The following ZNF567 variants were observed in gnomAD, a reference collection of about 807,000 sequenced individuals.
ZNF567 encodes the protein zinc finger protein 567.
A neutral mutation model predicts 53.9 loss-of-function variants in ZNF567; 36 were observed. That is an observed-to-expected ratio of 0.67 (90% CI 0.51 to 0.88). The LOEUF is 0.88. ZNF567 is among the 40% of genes least tolerant of loss of function. The probability of loss-of-function intolerance (pLI) is 0.00; values close to 1 mark genes in which losing one functional copy is unlikely to be tolerated. For synonymous variants in ZNF567, 224 were observed against 260.4 expected (o/e 0.86, Z 1.35); for missense variants, 619 against 764.7 (o/e 0.81, Z 2.25).
intron 5 of ZNF567, 128 bp downstream of exon 5, chr19:36,712,995 T>C: frequency 1.4e-6 from 1 of 714,456 alleles, no homozygotes; most frequent in Non-Finnish European, 2.2e-6. Context: ...CTGAAAACCT[T>C]CATGCCTATA....
Position 36,712,846 on chromosome 19 carries a change from T to C in ZNF567, c.202T>C (p.Phe68Leu). Residue 68 changes from phenylalanine (F) to leucine (L), a missense_variant, in exon 5 of 6, where the codon TTT (phenylalanine) becomes CTT (leucine). Phe to Leu is a conservative substitution (Grantham distance 22). Transcript: ENST00000682579. ...LERGEEPWTS[F>L]AGHTCLEENW... The stretch of plus-strand genomic sequence containing the variant: ...ACGAGGAGAAGAGCCATGGACATCA[T>C]TTGCAGGTCATACCTGCTTGGGTGA... 1 of 1,614,164 alleles carries C rather than the reference T, an allele frequency of 6.2e-7. No individual in the cohort carries two copies. The highest frequency in any genetic ancestry group is 8.5e-7 in the Non-Finnish European group (1 of 1,179,998).
chr19:36,699,795 T>G (rs1026454369), intron 3 of ZNF567, among the ~76,000 whole-genome samples: 5 of 151,236 alleles, frequency 3.3e-5, no homozygotes, highest in Non-Finnish European at 5.9e-5. Context: ...TTTCCTGAAG[T>G]TGCTTATCAG....
rs762873548 is a variant in ZNF567, at chr19:36,719,472, GA to G, written c.756del (p.Lys252AsnfsTer17). 4.3e-6 allele frequency: 7 copies of G among 1,609,228 alleles called. No individual in the cohort carries two copies. Among genetic ancestry groups the G allele is most frequent in the Non-Finnish European group, 5.9e-6 (7 of 1,178,802 alleles). On this transcript the variant is annotated frameshift_variant, in exon 6 of 6. Coordinates refer to ENST00000682579, the MANE Select transcript of ZNF567 (RefSeq NM_001322917.1). LOFTEE classifies it high-confidence loss of function. ...YNKKRRATNI[E>X]KKHTCNECGK... ...TAAAAAAAGAAGAGCAACCAATATT[GA>G]AAAAAAACATACATGCAATGAATGT... is the stretch of plus-strand genomic sequence containing the variant.
At chr19:36,696,231 T>C (rs1016491421) in intron 3 of ZNF567, among the ~76,000 whole-genome samples, 1 of 152,238 alleles carries the variant, frequency 6.6e-6, no homozygotes, top group African/African-American at 2.4e-5. Flanking sequence ...CTACTCTTTC[T>C]TGTTTCAGTC....
At chr19:36,692,182 T>C (rs2038652906) in intron 2 of ZNF567, among the ~76,000 whole-genome samples, 1 of 152,186 alleles carries the variant, frequency 6.6e-6, no homozygotes, top group African/African-American at 2.4e-5. Context: ...AGGAGTGGTA[T>C]TGATGGGTCG....
the ZNF567 span, among the ~76,000 whole-genome samples, chr19:36,680,001 T>C: frequency 3.3e-5 from 5 of 152,282 alleles, no homozygotes; most frequent in Admixed American, 6.5e-5. Context: ...CACAAAGAAA[T>C]GGTAAATATT....
At chr19:36,693,725 T>C (rs867448153) in intron 2 of ZNF567, among the ~76,000 whole-genome samples, 2 of 152,124 alleles carry the variant, frequency 1.3e-5, no homozygotes, top group African/African-American at 2.4e-5. Context: ...TGGAAATAAA[T>C]ATAAAGCCCA....
chr19:36,715,017 T>C (rs1184482464), intron 5 of ZNF567, among the ~76,000 whole-genome samples: 1 of 152,152 alleles, frequency 6.6e-6, no homozygotes, highest in Non-Finnish European at 1.5e-5. Flanking sequence ...GGCACTGACG[T>C]CAACATACAA....
intron 5 of ZNF567, among the ~76,000 whole-genome samples, chr19:36,717,762 T>C (rs1239326474): frequency 6.6e-6 from 1 of 152,166 alleles, no homozygotes; most frequent in African/African-American, 2.4e-5. Flanking sequence ...GTTACTCTGA[T>C]TTAGGACCAG....
the ZNF567 span, among the ~76,000 whole-genome samples, chr19:36,672,691 T>C: frequency 6.6e-6 from 1 of 152,204 alleles, no homozygotes; most frequent in Non-Finnish European, 1.5e-5. Context: ...ATTGGATTGC[T>C]TCCATCATGG....
chr19:36,722,327 A>G (rs894790395), downstream of ZNF567, among the ~76,000 whole-genome samples: 1 of 152,124 alleles, frequency 6.6e-6, no homozygotes, highest in African/African-American at 2.4e-5. Context: ...ATTTTTTGAA[A>G]TGGAGTCTCT....
chr19:36,680,198 T>C, the ZNF567 span, among the ~76,000 whole-genome samples: 1 of 152,098 alleles, frequency 6.6e-6, no homozygotes, highest in Non-Finnish European at 1.5e-5. Context: ...CAATTAAAAA[T>C]TTTAAAAAAG....
At chr19:36,669,444 G>A in the ZNF567 span, 199 of 152,280 alleles carry the variant, frequency 1.3e-3, no homozygotes, top group African/African-American at 4.6e-3. Flanking sequence ...AGAGAATGCA[G>A]GTATCTGGGA....
chr19:36,718,581 T>C (rs1266192647), intron 5 of ZNF567, among the ~76,000 whole-genome samples: 1 of 152,144 alleles, frequency 6.6e-6, no homozygotes, highest in Non-Finnish European at 1.5e-5. Flanking sequence ...TAAACAAAGA[T>C]TTCTGCTAAT....
chr19:36,673,572 T>C, the ZNF567 span, among the ~76,000 whole-genome samples: 1 of 152,308 alleles, frequency 6.6e-6, no homozygotes, highest in East Asian at 1.9e-4. Context: ...CACAACTGTT[T>C]TCTGGGTCTT....
At chr19:36,707,318 G>A (rs774049740) in intron 3 of ZNF567, among the ~76,000 whole-genome samples, 46 of 151,976 alleles carry the variant, frequency 3.0e-4, no homozygotes, top group Non-Finnish European at 5.6e-4. Flanking sequence ...CATGATGCCT[G>A]GTTTTGTAGA....
chr19:36,720,138 A>G lies in ZNF567; in HGVS notation c.1414A>G (p.Thr472Ala). The change falls in exon 6 of 6, where the codon ACA becomes GCA. Residue 472 changes from threonine to alanine, a missense_variant. Coordinates refer to ENST00000682579, the MANE Select transcript of ZNF567 (RefSeq NM_001322917.1). ...CCTTGTAGCACATCAGAGAACACAT[A>G]CAGGGGAGAAATCTTATGAATGTCC... ...TTLVAHQRTHTGEKSYECPHC... is the reference protein window; with the variant it reads ...TTLVAHQRTHAGEKSYECPHC... The G allele has an allele frequency of 6.2e-7, 1 of 1,614,048 alleles. No individual in the cohort carries two copies. The highest frequency in any genetic ancestry group is 8.5e-7 in the Non-Finnish European group (1 of 1,180,006).
At chr19:36,695,155 G>A (rs2038815422) in intron 3 of ZNF567, among the ~76,000 whole-genome samples, 1 of 151,544 alleles carries the variant, frequency 6.6e-6, no homozygotes, top group African/African-American at 2.4e-5. Flanking sequence ...GGCTGAGGCA[G>A]GAGAATTGCG....
At chr19:36,721,563 C>G (rs1296449973), downstream of ZNF567, among the ~76,000 whole-genome samples, 3 of 152,004 alleles carry the variant, frequency 2.0e-5, no homozygotes, top group African/African-American at 7.2e-5. Context: ...TGCTTAAATG[C>G]AAAACAAGCA....
Sources: allele counts gnomAD v4.1 joint callset (sites outside exome capture counted in the v4.1 genomes callset), GRCh38; gene constraint gnomAD v4.1.1; transcripts MANE v1.5; gene names NCBI Gene and HGNC (gene_info 2026-07-23, HGNC 2026-07-21).